The following INSRR variants were observed in gnomAD, a reference collection of about 807,000 sequenced individuals.
INSRR encodes the protein insulin receptor related receptor.
INSRR carries 114 observed loss-of-function variants against 130.0 expected under a neutral mutation model. The observed-to-expected ratio is 0.88, with a 90% CI of 0.75 to 1.02. The LOEUF (loss-of-function observed/expected upper bound fraction) is 1.02. INSRR is among the 50% of genes least tolerant of loss of function. The pLI is 0.00. For synonymous variants in INSRR, 674 were observed against 705.2 expected, an observed-to-expected ratio of 0.96 and a Z score of 0.70; for missense variants, 1,657 against 1,735.2, an observed-to-expected ratio of 0.95 and a Z score of 0.80.
chr1:156,851,520 G>T, intron 4 of INSRR, 86 bp from the exon 5 acceptor site: 2 of 1,598,256 alleles, frequency 1.3e-6, no homozygotes, highest in Non-Finnish European at 1.7e-6. Context: ...GCCCCGGGAA[G>T]GTGGGCCCTC....
In INSRR at chr1:156,851,952, A is replaced by T. The variant is rs1655226747; in HGVS notation, c.877T>A (p.Phe293Ile). 6.2e-7 allele frequency: 1 copy of T among 1,606,630 alleles called. No homozygotes were observed. Among genetic ancestry groups the T allele is most frequent in the Non-Finnish European group, 8.5e-7 (1 of 1,174,120 alleles). ...LHSVPGRAST[F>I]GIHQGSCLAQ... The stretch of plus-strand genomic sequence containing the variant: ...AGGCAACTGCCCTGGTGTATGCCGA[A>T]GGTGGAGGCACGGCCGGGCACAGAG... The change falls in exon 3 of 22, where the codon TTC becomes ATC. Residue 293 changes from phenylalanine (F) to isoleucine (I), a missense_variant. By Grantham distance (21) the Phe-to-Ile change is conservative. Coordinates refer to ENST00000368195, the MANE Select transcript of INSRR (RefSeq NM_014215.3).
chr1:156,841,330 G>C, intron 21 of INSRR, 64 bp downstream of exon 21: 1 of 1,509,336 alleles, frequency 6.6e-7, no homozygotes, highest in Non-Finnish European at 9.2e-7. Flanking sequence ...CAGAATCATG[G>C]GGCCGGGTGG....
In INSRR at chr1:156,845,275, C is replaced by G. The variant is rs1233021526; in HGVS notation, c.2238G>C (p.Arg746=). Residue 746 remains arginine, a synonymous_variant, in exon 12 of 22, where the codon CGG becomes CGC. Transcript: ENST00000368195. ...CCCCCAGCCGGAGGGGCCCAGCTGC[C>G]CGGCGGTGCCGCCCTGAGTCCCTGG... ...SPQRDSGRHR[R]AAGPLRLGGN... 1.9e-6 allele frequency: 3 copies of G among 1,612,414 alleles called. No homozygotes were observed. The highest frequency in any genetic ancestry group is 2.5e-6 in the Non-Finnish European group (3 of 1,179,334).
intron 7 of INSRR, 90 bp downstream of exon 7, chr1:156,848,831 C>T: frequency 6.2e-6 from 9 of 1,460,572 alleles, no homozygotes; most frequent in East Asian, 2.5e-5. Context: ...TTCATAGCCT[C>T]GCTGAGCTCC....
rs550289421 is a variant in INSRR at position 156,853,885 on chromosome 1, C to A, written c.504G>T (p.Val168=). The change falls in exon 2 of 22, where the codon GTG becomes GTT. Residue 168 remains valine (V), a synonymous_variant. Transcript: ENST00000368195. Reference sequence around the variant, plus strand: ...CACACTCCTCGCCCAGCTTGTTGCCCACGATGTGGTTGGCGCCAGGTGCTG... The same window carrying A: ...CACACTCCTCGCCCAGCTTGTTGCCAACGATGTGGTTGGCGCCAGGTGCTG... The part of the protein sequence containing the change: ...LQPAPGANHI[V]GNKLGEECAD... 1 of 1,614,166 alleles carries A rather than the reference C, an allele frequency of 6.2e-7. No individual in the cohort carries two copies. Among genetic ancestry groups the A allele is most frequent in the African/African-American group, 1.3e-5 (1 of 75,068 alleles).
At chr1:156,849,511 G>T in intron 5 of INSRR, 51 bp from the exon 6 acceptor site, 1 of 1,159,816 alleles carries the variant, frequency 8.6e-7, no homozygotes, top group South Asian at 1.3e-5. Flanking sequence ...GGCAGGGGGT[G>T]GGAAAGGGGA....
Position 156,854,087 on chromosome 1 carries a change from A to C in INSRR, c.302T>G (p.Leu101Arg). Residue 101 changes from leucine (L) to arginine (R), a missense_variant, in exon 2 of 22, where the codon CTA (leucine) becomes CGA (arginine). Coordinates refer to ENST00000368195, the MANE Select transcript of INSRR (RefSeq NM_014215.3). This position sits in a 1 kb window ranked among gnomAD's most constrained non-coding sequence, Gnocchi z 4.2. ...GAGGCGCGTCCCGCGGATGACTGCT[A>C]GGTTGGGGAAGAGGTCGCGCAGGCT... is the stretch of plus-strand genomic sequence containing the variant. Reference protein sequence around the residue: ...LESLRDLFPNLAVIRGTRLFL... With the variant: ...LESLRDLFPNRAVIRGTRLFL... 6.2e-7 allele frequency: 1 copy of C among 1,614,114 alleles called. No individual in the cohort carries two copies. The highest frequency in any genetic ancestry group is 1.1e-5 in the South Asian group (1 of 91,088).
At chr1:156,853,065 CCTCCTTT>C (rs1003104500) in intron 2 of INSRR, among the ~76,000 whole-genome samples, 31 of 152,002 alleles carry the variant, frequency 2.0e-4, no homozygotes, top group Admixed American at 1.8e-3. Flanking sequence ...CCTTTTCTTT[CCTCCTTT>C]CTCCTTTCTC....
At chr1:156,848,892 C>T (rs1337834241) in intron 7 of INSRR, 29 bp downstream of exon 7, 1 of 1,549,056 alleles carries the variant, frequency 6.5e-7, no homozygotes, top group Non-Finnish European at 8.7e-7. Flanking sequence ...CGGTCCCGCC[C>T]CCGCTCCGGC....
rs562377432 is a variant in INSRR at position 156,840,696 on chromosome 1, C to T, written c.*177G>A. On this transcript the variant is annotated 3_prime_UTR_variant, in exon 22 of 22. Coordinates refer to ENST00000368195, the MANE Select transcript of INSRR (RefSeq NM_014215.3). ...GAGGGACTCAGAGTCTGAGAAACTC[C>T]TATGGTGAGACCCCTCTGCCCACCC... 90 of 622,270 alleles carry T rather than the reference C, an allele frequency of 1.4e-4. No homozygotes were observed. In the South Asian group the frequency reaches 1.6e-3, roughly 11 times the overall value. 38.5% of individuals were successfully genotyped at this position (622,270 alleles called of 1,614,324 possible).
At chr1:156,852,314 TCAGATGACACTGGTTG>T (rs1655254159) in intron 2 of INSRR, 123 bp from the exon 3 acceptor site, 5 of 955,510 alleles carry the variant, frequency 5.2e-6, no homozygotes, top group Non-Finnish European at 7.7e-6. Flanking sequence ...TCCCTCCCAT[TCAGATGACACTGGTTG>T]CCGACTCTGT....
chr1:156,847,381 C>A (rs1655049157), intron 7 of INSRR, among the ~76,000 whole-genome samples: 1 of 152,206 alleles, frequency 6.6e-6, no homozygotes, highest in African/African-American at 2.4e-5. Flanking sequence ...CGGGGCAGGG[C>A]TTGGGGAAGC....
At position 156,852,095 on chromosome 1, in the gene INSRR, G is replaced by T. The variant is rs1655236458; in HGVS notation, c.734C>A (p.Ala245Asp). 6.2e-7 allele frequency: 1 copy of T among 1,613,616 alleles called. No homozygotes were observed. Among genetic ancestry groups the T allele is most frequent in the Non-Finnish European group, 8.5e-7 (1 of 1,179,994 alleles). ...GGCSQPEDPR[A>D]CVACRHLYFQ... ...GTAGAGGTGGCGGCAAGCTACACAG[G>T]CACGAGGGTCTTCTGGCTGGCTGCA... Residue 245 changes from alanine (A) to aspartate (D), a missense_variant, in exon 3 of 22, where the codon GCC (alanine) becomes GAC (aspartate). Transcript: ENST00000368195.
At chr1:156,848,507 C>G (rs552454648) in intron 7 of INSRR, among the ~76,000 whole-genome samples, 7 of 152,330 alleles carry the variant, frequency 4.6e-5, no homozygotes, top group African/African-American at 1.7e-4. Flanking sequence ...GCGGCCCCTG[C>G]TCCCTCCCTT....
At chr1:156,841,641 C>T (rs1654788680) in intron 20 of INSRR, 24 bp downstream of exon 20, 5 of 1,612,214 alleles carry the variant, frequency 3.1e-6, no homozygotes, top group Non-Finnish European at 3.4e-6. Flanking sequence ...ATCCCTGGAG[C>T]CCTGTGCTCC....
At chr1:156,846,271 T>G in intron 8 of INSRR, 152 bp from the exon 9 acceptor site, 2 of 893,910 alleles carry the variant, frequency 2.2e-6, no homozygotes, top group Non-Finnish European at 3.3e-6. Context: ...AGTGTTTTGT[T>G]TCTGTCCTCC....
At chr1:156,852,748 G>A (rs1030932351) in intron 2 of INSRR, among the ~76,000 whole-genome samples, 17 of 152,370 alleles carry the variant, frequency 1.1e-4, no homozygotes, top group African/African-American at 4.1e-4. Flanking sequence ...TAGCTGGCTG[G>A]CTATGGGAGC....
At position 156,854,039 on chromosome 1, in the gene INSRR, A is replaced by T. The variant is rs993588606; in HGVS notation, c.350T>A (p.Ile117Asn). ...GTCACGCAGATGTGGCATCTCAAAG[A>T]TGACCAGTGCATAGCCCAGGAAGAG... ...TRLFLGYALV[I>N]FEMPHLRDVA... Residue 117 changes from isoleucine to asparagine, a missense_variant, in exon 2 of 22, where the codon ATC (isoleucine) becomes AAC (asparagine). Physicochemically the swap from Ile to Asn is moderately radical, Grantham distance 149. Coordinates refer to ENST00000368195, the MANE Select transcript of INSRR (RefSeq NM_014215.3). The surrounding 1 kb of genome is among the most constrained non-coding windows in gnomAD (Gnocchi z 4.2). 3.1e-6 allele frequency: 5 copies of T among 1,613,956 alleles called. No homozygotes were observed. Among genetic ancestry groups the T allele is most frequent in the Admixed American group, 1.7e-5 (1 of 60,000 alleles).
At chr1:156,856,163 T>G (rs1011479196) in intron 1 of INSRR, among the ~76,000 whole-genome samples, 17 of 152,148 alleles carry the variant, frequency 1.1e-4, no homozygotes, top group Non-Finnish European at 2.2e-4. Context: ...ACATAGATAT[T>G]TATTTATAGA....
Sources: allele counts gnomAD v4.1 joint callset (sites outside exome capture counted in the v4.1 genomes callset), GRCh38; gene constraint gnomAD v4.1.1; non-coding constraint Gnocchi (gnomAD v3.1); transcripts MANE v1.5; gene names NCBI Gene and HGNC (gene_info 2026-07-23, HGNC 2026-07-21).